CDS1: variants seen among roughly 807,000 people sequenced by gnomAD.
CDS1 encodes the protein phosphatidate cytidylyltransferase 1.
A neutral mutation model predicts 62.1 loss-of-function variants in CDS1; 41 were observed. That is an observed-to-expected ratio of 0.66 (90% CI 0.51 to 0.86). The LOEUF is 0.86. CDS1 is among the 40% of genes least tolerant of loss of function. CDS1 has a pLI of 0.00. For synonymous variants in CDS1, 185 were observed against 192.6 expected (o/e 0.96, Z 0.32); for missense variants, 470 against 550.1 (o/e 0.85, Z 1.46).
chr4:84,630,537 C>G (rs1477603003), intron 5 of CDS1, among the ~76,000 whole-genome samples: 1 of 152,184 alleles, frequency 6.6e-6, no homozygotes, highest in Admixed American at 6.5e-5. Context: ...GTTTACTCTA[C>G]TGGTAGAATT....
chr4:84,587,524 A>G (rs1722455862), intron 1 of CDS1, among the ~76,000 whole-genome samples: 2 of 152,162 alleles, frequency 1.3e-5, no homozygotes, highest in Non-Finnish European at 2.9e-5. Flanking sequence ...AGTGAAGCCA[A>G]GATTGAAGTG....
Position 84,640,994 on chromosome 4 carries a change from C to G in CDS1, c.1032+4C>G, listed in dbSNP as rs770234418. ...TCTAAAGGCAGTCTTGAGACAGGTA[C>G]AGTAAAAGTTCAAGATAAACATGGT... On this transcript the variant is annotated splice_donor_region_variant and intron_variant, in intron 10 of 12. Coordinates refer to ENST00000295887, the MANE Select transcript of CDS1 (RefSeq NM_001263.4). 5 of 1,546,070 alleles carry G rather than the reference C, an allele frequency of 3.2e-6. No individual in the cohort carries two copies. The South Asian group carries it at 6.4e-5, about 20-fold the overall frequency.
At chr4:84,635,483 C>T (rs1724155240) in intron 8 of CDS1, 132 bp downstream of exon 8, 1 of 695,874 alleles carries the variant, frequency 1.4e-6, no homozygotes, top group Non-Finnish European at 2.5e-6. Context: ...CTGCATGGTG[C>T]AGAAGCAGCA....
chr4:84,620,339 C>T (rs1287812098), intron 5 of CDS1, among the ~76,000 whole-genome samples: 2 of 150,156 alleles, frequency 1.3e-5, no homozygotes, highest in African/African-American at 4.9e-5. Flanking sequence ...ACTCCTGCCT[C>T]AGCCTCCCGA....
intron 6 of CDS1, among the ~76,000 whole-genome samples, chr4:84,632,693 A>G (rs992336818): frequency 1.3e-5 from 2 of 152,240 alleles, no homozygotes; most frequent in Admixed American, 6.5e-5. Context: ...AATGGCATCT[A>G]TTGGAAAAAA....
chr4:84,593,773 G>A (rs1426530820), intron 1 of CDS1, among the ~76,000 whole-genome samples: 1 of 152,046 alleles, frequency 6.6e-6, no homozygotes, highest in Non-Finnish European at 1.5e-5. Context: ...CAAAGTGCTG[G>A]GATTACAGGC....
At chr4:84,642,961 G>A (rs1474134588) in intron 10 of CDS1, 63 bp from the exon 11 acceptor site, 15 of 1,481,780 alleles carry the variant, frequency 1.0e-5, no homozygotes, top group Non-Finnish European at 1.3e-5. Flanking sequence ...TAGATCAGGT[G>A]GTATGCTCAA....
intron 2 of CDS1, among the ~76,000 whole-genome samples, chr4:84,609,110 T>C (rs1302788326): frequency 4.4e-5 from 6 of 136,512 alleles, no homozygotes; most frequent in African/African-American, 1.4e-4. Flanking sequence ...ACCCAGGAGG[T>C]GGAGCTTTCA....
At chr4:84,589,287 C>G (rs905032136) in intron 1 of CDS1, among the ~76,000 whole-genome samples, 1 of 152,170 alleles carries the variant, frequency 6.6e-6, no homozygotes. Flanking sequence ...TTCCACTATC[C>G]ATTTACTGCC....
intron 1 of CDS1, among the ~76,000 whole-genome samples, chr4:84,597,417 T>C (rs992109023): frequency 6.6e-6 from 1 of 150,392 alleles, no homozygotes; most frequent in Admixed American, 6.6e-5. Flanking sequence ...GTGGGAGGAT[T>C]GCTTGAGTCC....
intron 3 of CDS1, among the ~76,000 whole-genome samples, chr4:84,616,884 A>G (rs188159567): frequency 1.4e-4 from 21 of 152,360 alleles, no homozygotes; most frequent in African/African-American, 2.9e-4. Context: ...TAGGTGTGCA[A>G]TCAGGACACT....
chr4:84,602,922 A>G (rs1722982193), intron 1 of CDS1, among the ~76,000 whole-genome samples: 1 of 152,276 alleles, frequency 6.6e-6, no homozygotes, highest in Admixed American at 6.5e-5. Flanking sequence ...ACGTTGACAC[A>G]TTTAATTTCG....
chr4:84,623,495 A>G (rs557501090), intron 5 of CDS1, among the ~76,000 whole-genome samples: 96 of 152,154 alleles, frequency 6.3e-4, no homozygotes, highest in Non-Finnish European at 1.1e-3. Flanking sequence ...TCTCAGGCCT[A>G]CTAACAGTTT....
At chr4:84,592,903 T>A (rs900913125) in intron 1 of CDS1, among the ~76,000 whole-genome samples, 1 of 152,156 alleles carries the variant, frequency 6.6e-6, no homozygotes, top group East Asian at 1.9e-4. Flanking sequence ...GACAGTTAAG[T>A]TGTGGCTCAC....
chr4:84,617,997 A>C (rs1723551994), intron 4 of CDS1, among the ~76,000 whole-genome samples: 1 of 152,198 alleles, frequency 6.6e-6, no homozygotes, highest in African/African-American at 2.4e-5. Flanking sequence ...ATTTACATAT[A>C]ATCTTTTCCT....
intron 1 of CDS1, among the ~76,000 whole-genome samples, chr4:84,590,096 C>T (rs946455017): frequency 2.6e-5 from 4 of 152,166 alleles, no homozygotes; most frequent in Non-Finnish European, 5.9e-5. Flanking sequence ...CAGGCATGAG[C>T]CACCTCACCC....
intron 2 of CDS1, among the ~76,000 whole-genome samples, chr4:84,606,563 A>G (rs1723101008): frequency 6.6e-6 from 1 of 152,210 alleles, no homozygotes; most frequent in Admixed American, 6.5e-5. Flanking sequence ...AATGTTCACA[A>G]TTAAAAATAC....
intron 5 of CDS1, among the ~76,000 whole-genome samples, chr4:84,622,830 C>T (rs929037653): frequency 1.3e-5 from 2 of 152,022 alleles, no homozygotes; most frequent in Non-Finnish European, 2.9e-5. Flanking sequence ...TTTACTTCTT[C>T]ATATTCAGTT....
intron 12 of CDS1, among the ~76,000 whole-genome samples, chr4:84,647,499 C>G (rs1399992861): frequency 1.3e-5 from 2 of 152,188 alleles, no homozygotes; most frequent in Non-Finnish European, 2.9e-5. Context: ...GGAGCACCTG[C>G]TGACACAATT....
Sources: allele counts gnomAD v4.1 joint callset (sites outside exome capture counted in the v4.1 genomes callset), GRCh38; gene constraint gnomAD v4.1.1; transcripts MANE v1.5; gene names NCBI Gene and HGNC (gene_info 2026-07-23, HGNC 2026-07-21).